TASP1: variants seen among roughly 807,000 people sequenced by gnomAD.
TASP1 encodes threonine aspartase 1.
A neutral mutation model predicts 56.6 loss-of-function variants in TASP1; 16 were observed. The ratio of observed to expected loss-of-function variants is 0.28; its 90% CI spans 0.19 to 0.43. TASP1 has a LOEUF of 0.43. Among genes scored for constraint, TASP1 ranks in the 20% least tolerant of loss-of-function variants. The pLI, the probability that TASP1 is intolerant of heterozygous loss-of-function variation, is 1.00. For synonymous variants in TASP1, 179 were observed against 184.2 expected (o/e 0.97, Z 0.23); for missense variants, 393 against 511.6 (o/e 0.77, Z 2.24).
the TASP1 span, among the ~76,000 whole-genome samples, chr20:13,192,776 A>G: frequency 6.6e-6 from 1 of 151,626 alleles, no homozygotes; most frequent in African/African-American, 2.4e-5. Flanking sequence ...TTGGTCACAA[A>G]CTTCTGGGTT....
At chr20:13,154,621 A>G in the TASP1 span, among the ~76,000 whole-genome samples, 1 of 152,292 alleles carries the variant, frequency 6.6e-6, no homozygotes, top group Middle Eastern at 3.4e-3. Context: ...ACCTGCCCAA[A>G]GTCACACAAG....
At chr20:13,239,289 T>C in the TASP1 span, among the ~76,000 whole-genome samples, 1 of 152,200 alleles carries the variant, frequency 6.6e-6, no homozygotes, top group East Asian at 1.9e-4. Flanking sequence ...TCTGGTGTGG[T>C]TCTCTCATGC....
At chr20:13,109,985 C>T in the TASP1 span, 2 of 702,954 alleles carry the variant, frequency 2.8e-6, no homozygotes, top group Non-Finnish European at 4.6e-6. Flanking sequence ...TAAGGGTTCT[C>T]TGATTCTGAA....
At chr20:13,433,841 T>TAAAAAAAAAAAAAAAA (rs111973613) in intron 12 of TASP1, among the ~76,000 whole-genome samples, 31 of 116,148 alleles carry the variant, frequency 2.7e-4, no homozygotes, top group African/African-American at 9.7e-4. Context: ...GTGTTTGTAT[T>TAAAAAAAAAAAAAAAA]AAAAAAAAAA....
At chr20:13,362,705 A>T in the TASP1 span, among the ~76,000 whole-genome samples, 2 of 151,600 alleles carry the variant, frequency 1.3e-5, no homozygotes, top group South Asian at 4.2e-4. Context: ...TACATACTGC[A>T]TGATTCTGTT....
At chr20:13,581,076 A>G in intron 5 of TASP1, 95 bp from the exon 6 acceptor site, 2 of 1,107,988 alleles carry the variant, frequency 1.8e-6, no homozygotes, top group Non-Finnish European at 1.3e-6. Context: ...AACAACTTGA[A>G]TATATCTTGG....
At chr20:13,422,085 C>G (rs143074940) in intron 12 of TASP1, among the ~76,000 whole-genome samples, 9,502 of 151,030 alleles carry the variant, frequency 0.063, 438 homozygotes, top group African/African-American at 0.13. Flanking sequence ...CCTAGTAGCT[C>G]GGACTACAGG....
At chr20:13,311,000 C>T in the TASP1 span, among the ~76,000 whole-genome samples, 1 of 152,170 alleles carries the variant, frequency 6.6e-6, no homozygotes, top group African/African-American at 2.4e-5. Flanking sequence ...TTGAGACCAA[C>T]CTGGCCATCA....
the TASP1 span, among the ~76,000 whole-genome samples, chr20:13,311,241 G>T: frequency 1.0e-5 from 1 of 98,876 alleles, no homozygotes; most frequent in South Asian, 3.2e-4. Flanking sequence ...TAGATAGATA[G>T]ATGATAGATA....
intron 13 of TASP1, among the ~76,000 whole-genome samples, chr20:13,394,144 T>C (rs1471300909): frequency 2.0e-5 from 3 of 148,590 alleles, no homozygotes; most frequent in South Asian, 4.3e-4. Context: ...ATTAGCTGGG[T>C]GTGGTGGTGC....
chr20:13,476,885 T>C (rs912510128), intron 11 of TASP1, among the ~76,000 whole-genome samples: 1 of 152,078 alleles, frequency 6.6e-6, no homozygotes, highest in East Asian at 1.9e-4. Flanking sequence ...CAAAAAAGAA[T>C]ACATTTTCTT....
chr20:13,233,569 T>C, the TASP1 span, among the ~76,000 whole-genome samples: 2 of 135,046 alleles, frequency 1.5e-5, no homozygotes, highest in Non-Finnish European at 1.5e-5. Flanking sequence ...CATTCCTGCC[T>C]GGGCAACAAG....
chr20:13,521,620 C>T (rs1424847614), intron 10 of TASP1, among the ~76,000 whole-genome samples: 6 of 81,260 alleles, frequency 7.4e-5, no homozygotes, highest in Admixed American at 1.9e-4. Context: ...CATCACACAC[C>T]GGGGCTTGTT....
the TASP1 span, among the ~76,000 whole-genome samples, chr20:13,184,798 G>C: frequency 6.6e-6 from 1 of 152,120 alleles, no homozygotes; most frequent in African/African-American, 2.4e-5. Flanking sequence ...AGAGACATAT[G>C]GGGTAAACAA....
chr20:13,201,519 T>C, the TASP1 span, among the ~76,000 whole-genome samples: 1 of 147,348 alleles, frequency 6.8e-6, no homozygotes, highest in Admixed American at 6.8e-5. Context: ...GTCAATCAAC[T>C]AAAAAAGAAA....
chr20:13,616,362 T>C (rs1257105092), intron 4 of TASP1, among the ~76,000 whole-genome samples: 1 of 152,110 alleles, frequency 6.6e-6, no homozygotes, highest in Non-Finnish European at 1.5e-5. Flanking sequence ...AGGGCATACA[T>C]AGAGAGTTCC....
chr20:13,245,876 A>C, the TASP1 span, among the ~76,000 whole-genome samples: 1 of 152,144 alleles, frequency 6.6e-6, no homozygotes, highest in Non-Finnish European at 1.5e-5. Flanking sequence ...TATAGGCTGC[A>C]TTTTCAGCCA....
the TASP1 span, among the ~76,000 whole-genome samples, chr20:13,274,524 C>A: frequency 6.6e-6 from 1 of 152,144 alleles, no homozygotes; most frequent in East Asian, 1.9e-4. Context: ...GAACTTGATA[C>A]CCGCCTTCCC....
chr20:13,222,097 C>G, the TASP1 span, among the ~76,000 whole-genome samples: 1 of 152,166 alleles, frequency 6.6e-6, no homozygotes, highest in African/African-American at 2.4e-5. Flanking sequence ...GGGCACGTGC[C>G]TGGAGGCTGC....
Sources: gnomAD v4.1 joint callset for allele counts (sites outside exome capture counted in the v4.1 genomes callset) on GRCh38, gnomAD v4.1.1 for gene constraint, MANE v1.5 for transcripts, NCBI Gene and HGNC (gene_info 2026-07-23, HGNC 2026-07-21) for gene names.